Variants in CLNK observed in about 807,000 individuals in gnomAD.
The protein encoded by CLNK is cytokine-dependent hematopoietic cell linker.
In CLNK, 74 loss-of-function variants were observed where a neutral mutation model predicts 68.6. The ratio of observed to expected loss-of-function variants is 1.08; its 90% CI spans 0.89 to 1.31. CLNK has a LOEUF of 1.31. Ranked by LOEUF, CLNK falls within the 50% of genes most tolerant of loss-of-function variation. The probability of loss-of-function intolerance (pLI) is 0.00; values close to 1 mark genes in which losing one functional copy is unlikely to be tolerated. For missense variants in CLNK, 553 were observed against 515.3 expected (o/e 1.07, Z -0.71); for synonymous variants, 198 against 172.2 (o/e 1.15, Z -1.17).
intron 1 of CLNK, among the ~76,000 whole-genome samples, chr4:10,680,842 T>G (rs935319431): frequency 4.6e-5 from 7 of 152,160 alleles, no homozygotes; most frequent in African/African-American, 1.7e-4. Flanking sequence ...TCTCAACGAC[T>G]GGATGGCGTG....
the CLNK span, among the ~76,000 whole-genome samples, chr4:10,715,196 G>A: frequency 1.3e-5 from 2 of 152,128 alleles, no homozygotes; most frequent in African/African-American, 2.4e-5. Context: ...AAACACTGGG[G>A]ACCTTGTTAG....
chr4:10,519,821 CTGTGTGTG>C (rs758512486), intron 15 of CLNK, among the ~76,000 whole-genome samples: 2 of 149,318 alleles, frequency 1.3e-5, no homozygotes, highest in Non-Finnish European at 3.0e-5. Context: ...AGGCAGAGGG[CTGTGTGTG>C]TGTGTGTGTG....
intron 1 of CLNK, among the ~76,000 whole-genome samples, chr4:10,670,692 G>T (rs753750191): frequency 2.7e-5 from 4 of 146,056 alleles, no homozygotes; most frequent in Non-Finnish European, 4.5e-5. Flanking sequence ...TCAGCTCAAA[G>T]AAATGGAAAT....
intron 6 of CLNK, among the ~76,000 whole-genome samples, chr4:10,565,047 G>T (rs1000256094): frequency 2.0e-5 from 3 of 151,880 alleles, no homozygotes; most frequent in African/African-American, 7.3e-5. Context: ...ACAAAATTTT[G>T]GCTATGCCAT....
chr4:10,571,137 T>C (rs1194661613), intron 5 of CLNK, among the ~76,000 whole-genome samples: 4 of 152,174 alleles, frequency 2.6e-5, no homozygotes, highest in African/African-American at 9.7e-5. Flanking sequence ...ATAACGCACT[T>C]GCCGGCACAG....
At chr4:10,646,071 A>G (rs924440262) in intron 2 of CLNK, among the ~76,000 whole-genome samples, 4 of 151,716 alleles carry the variant, frequency 2.6e-5, no homozygotes, top group Non-Finnish European at 4.4e-5. Context: ...CTGGAAAGAA[A>G]TAACACCAAA....
chr4:10,540,563 G>A lies in CLNK; in HGVS notation c.533C>T (p.Pro178Leu). The change falls in exon 11 of 19, where the codon CCT (proline) becomes CTT (leucine). Residue 178 changes from proline to leucine, a missense_variant. Coordinates refer to ENST00000226951, the MANE Select transcript of CLNK (RefSeq NM_052964.4). ...TLPKKYQPLP[P>L]EPESSRPPLS... ...AGGTGGCCTGCTGCTCTCCGGCTCAGGGGGCAAGGGTTGGTACTTCTTCGG... is the reference window on the plus strand; with the variant it reads ...AGGTGGCCTGCTGCTCTCCGGCTCAAGGGGCAAGGGTTGGTACTTCTTCGG... 1.2e-6 allele frequency: 2 copies of A among 1,613,788 alleles called. No homozygotes were observed. Among genetic ancestry groups the A allele is most frequent in the Non-Finnish European group, 1.7e-6 (2 of 1,179,736 alleles).
chr4:10,576,611 T>G (rs1720574876), intron 4 of CLNK, among the ~76,000 whole-genome samples: 1 of 152,096 alleles, frequency 6.6e-6, no homozygotes, highest in Non-Finnish European at 1.5e-5. Context: ...TCTGCAGAGG[T>G]CCAGCCAAGG....
chr4:10,657,790 C>A (rs927998203), intron 2 of CLNK, among the ~76,000 whole-genome samples: 1 of 152,162 alleles, frequency 6.6e-6, no homozygotes, highest in Non-Finnish European at 1.5e-5. Context: ...CTTTATTCTC[C>A]TTCTGATTTT....
chr4:10,592,231 C>T (rs1460067730), intron 3 of CLNK, among the ~76,000 whole-genome samples: 2 of 152,158 alleles, frequency 1.3e-5, no homozygotes, highest in Non-Finnish European at 2.9e-5. Context: ...TCTTTGAGGG[C>T]AGAAAACATG....
chr4:10,616,393 T>A (rs867563003), intron 2 of CLNK, among the ~76,000 whole-genome samples: 1 of 152,230 alleles, frequency 6.6e-6, no homozygotes, highest in Non-Finnish European at 1.5e-5. Flanking sequence ...TGTGTCAATA[T>A]CTATAACATT....
rs150511712 is a variant in CLNK at position 10,499,611 on chromosome 4, C to T, written c.1140+1645G>A. ...ATTTTGTTATCTGTTGAAGAACAATCGGTATCTGTGTGAAAGTTCTGGTTT... is the reference window on the plus strand; with the variant it reads ...ATTTTGTTATCTGTTGAAGAACAATTGGTATCTGTGTGAAAGTTCTGGTTT... On this transcript the variant is annotated intron_variant, in intron 18 of 18. Coordinates refer to ENST00000226951, the MANE Select transcript of CLNK (RefSeq NM_052964.4). Among the ~76,000 whole-genome samples, 7 of 152,296 alleles carry T rather than the reference C, an allele frequency of 4.6e-5. No individual in the cohort carries two copies. In the East Asian group the frequency reaches 1.2e-3, roughly 25 times the overall value.
chr4:10,708,643 A>G, the CLNK span, among the ~76,000 whole-genome samples: 3 of 152,206 alleles, frequency 2.0e-5, no homozygotes, highest in Non-Finnish European at 4.4e-5. Context: ...CTTTTATCCT[A>G]TAGACCATTG....
At chr4:10,652,418 T>TCTGTTTCA (rs1360752568) in intron 2 of CLNK, among the ~76,000 whole-genome samples, 3 of 137,480 alleles carry the variant, frequency 2.2e-5, no homozygotes, top group African/African-American at 7.9e-5. Context: ...AAAAAAGACA[T>TCTGTTTCA]CTGTTTCACT....
At chr4:10,641,298 G>T (rs1486101938) in intron 2 of CLNK, among the ~76,000 whole-genome samples, 1 of 152,108 alleles carries the variant, frequency 6.6e-6, no homozygotes, top group East Asian at 1.9e-4. Context: ...GGGTTTTGCT[G>T]GTTGAAGCAG....
chr4:10,581,198 C>CA (rs1393997636), intron 4 of CLNK, among the ~76,000 whole-genome samples: 2 of 152,124 alleles, frequency 1.3e-5, no homozygotes, highest in African/African-American at 4.8e-5. Context: ...TAGTAGGTTA[C>CA]ACAATCTAGG....
chr4:10,490,317 A>T lies in CLNK; in HGVS notation c.*150T>A. ...TGTGGTTTGAACTTTCAAAACCGTGAGTGATTTTCCACTCTCTGTTATAGA... is the reference window on the plus strand; with the variant it reads ...TGTGGTTTGAACTTTCAAAACCGTGTGTGATTTTCCACTCTCTGTTATAGA... On this transcript the variant is annotated 3_prime_UTR_variant, in exon 19 of 19. Coordinates refer to ENST00000226951, the MANE Select transcript of CLNK (RefSeq NM_052964.4). 1 of 620,782 alleles carries T rather than the reference A, an allele frequency of 1.6e-6. No homozygotes were observed. Among genetic ancestry groups the T allele is most frequent in the Non-Finnish European group, 2.5e-6 (1 of 405,900 alleles). 38.5% of individuals were successfully genotyped at this position (620,782 alleles called of 1,614,324 possible). A position where few individuals can be genotyped will look rare whatever the true frequency, so the allele number is the denominator to read the frequency against.
intron 17 of CLNK, among the ~76,000 whole-genome samples, chr4:10,503,777 T>G (rs1371743205): frequency 9.7e-6 from 1 of 103,234 alleles, no homozygotes; most frequent in Non-Finnish European, 1.9e-5. Context: ...AGAGACTTTT[T>G]TTTTTTTTTT....
chr4:10,563,513 A>C (rs868579697), intron 7 of CLNK, among the ~76,000 whole-genome samples: 1 of 152,228 alleles, frequency 6.6e-6, no homozygotes. Flanking sequence ...TGTTTATCAC[A>C]TGAGAAATTG....
Sources: allele counts gnomAD v4.1 joint callset (sites outside exome capture counted in the v4.1 genomes callset), GRCh38; gene constraint gnomAD v4.1.1; transcripts MANE v1.5; gene names NCBI Gene and HGNC (gene_info 2026-07-23, HGNC 2026-07-21).